Variants in PTPRD observed in about 807,000 individuals in gnomAD.
PTPRD encodes receptor-type tyrosine-protein phosphatase delta.
In PTPRD, 34 loss-of-function variants were observed where a neutral mutation model predicts 214.5. The observed-to-expected ratio is 0.16, with a 90% CI of 0.12 to 0.21. PTPRD has a LOEUF of 0.21. Among genes scored for constraint, PTPRD ranks in the 10% least tolerant of loss-of-function variants. The pLI is 1.00. For missense variants in PTPRD, 2,545 were observed against 2,398.7 expected, an observed-to-expected ratio of 1.06 and a Z score of -1.27; for synonymous variants, 1,128 against 845.7, an observed-to-expected ratio of 1.33 and a Z score of -5.79.
chr9:9,482,127 C>G (rs1270984461), intron 8 of PTPRD, among the ~76,000 whole-genome samples: 1 of 151,982 alleles, frequency 6.6e-6, no homozygotes, highest in Admixed American at 6.6e-5. Flanking sequence ...GAGGTACAGA[C>G]AGGTGGGCGA....
intron 5 of PTPRD, among the ~76,000 whole-genome samples, chr9:9,914,927 A>C (rs991339741): frequency 6.6e-6 from 1 of 152,164 alleles, no homozygotes; most frequent in African/African-American, 2.4e-5. Flanking sequence ...CTGCATGCCC[A>C]TGCTCCTAGC....
chr9:9,453,474 T>G (rs1461481968), intron 8 of PTPRD, among the ~76,000 whole-genome samples: 2 of 151,672 alleles, frequency 1.3e-5, no homozygotes, highest in South Asian at 2.1e-4. Context: ...CGGGGAAATA[T>G]TCATAGAATA....
intron 3 of PTPRD, among the ~76,000 whole-genome samples, chr9:10,245,652 G>A (rs2154365580): frequency 6.6e-6 from 1 of 152,290 alleles, no homozygotes; most frequent in Middle Eastern, 3.4e-3. Flanking sequence ...ATAAATTAAT[G>A]AGTGAATAAT....
At chr9:9,676,000 C>A (rs1286107289) in intron 7 of PTPRD, among the ~76,000 whole-genome samples, 1 of 151,960 alleles carries the variant, frequency 6.6e-6, no homozygotes, top group Non-Finnish European at 1.5e-5. Flanking sequence ...TGCAAGGGTT[C>A]TGTAGCACTA....
chr9:8,619,587 T>G (rs927137123), intron 14 of PTPRD, among the ~76,000 whole-genome samples: 1 of 152,078 alleles, frequency 6.6e-6, no homozygotes, highest in African/African-American at 2.4e-5. Flanking sequence ...TTAATGCCTT[T>G]TTAATGCATT....
At chr9:9,254,105 A>G (rs2099976668) in intron 9 of PTPRD, among the ~76,000 whole-genome samples, 1 of 152,102 alleles carries the variant, frequency 6.6e-6, no homozygotes, top group Non-Finnish European at 1.5e-5. Flanking sequence ...CTCTCAACAT[A>G]TTTGAATTAA....
At chr9:9,324,759 C>T (rs897285463) in intron 9 of PTPRD, among the ~76,000 whole-genome samples, 4 of 152,176 alleles carry the variant, frequency 2.6e-5, no homozygotes, top group African/African-American at 9.6e-5. Flanking sequence ...GTCATGAAGT[C>T]CTTGCCCATG....
chr9:9,786,278 T>A (rs1162125146), intron 5 of PTPRD, among the ~76,000 whole-genome samples: 1 of 152,136 alleles, frequency 6.6e-6, no homozygotes, highest in African/African-American at 2.4e-5. Context: ...CTATGCCTAC[T>A]CTAACCCATT....
At chr9:10,511,901 T>C (rs567478437) in intron 2 of PTPRD, among the ~76,000 whole-genome samples, 3 of 136,218 alleles carry the variant, frequency 2.2e-5, no homozygotes, top group South Asian at 4.5e-4. Context: ...CACATATATA[T>C]ACATATATAT....
At chr9:9,045,086 C>T (rs2099667936) in intron 10 of PTPRD, among the ~76,000 whole-genome samples, 1 of 152,152 alleles carries the variant, frequency 6.6e-6, no homozygotes, top group South Asian at 2.1e-4. Context: ...TCATTTCCAA[C>T]CAACTAACTA....
At chr9:8,966,669 G>C (rs1394422060) in intron 11 of PTPRD, among the ~76,000 whole-genome samples, 1 of 151,808 alleles carries the variant, frequency 6.6e-6, no homozygotes, top group South Asian at 2.1e-4. Flanking sequence ...AAAAAACCTA[G>C]GAAATACCCT....
rs72700339 is a variant in PTPRD, at chr9:8,677,991, G to A, written c.65-41147C>T. Among the ~76,000 whole-genome samples the A allele has an allele frequency of 2.7e-3, 405 of 152,276 alleles. 1 individual carries two copies. Among genetic ancestry groups the A allele is most frequent in the Admixed American group, 4.1e-3 (62 of 15,298 alleles). On this transcript the variant is annotated intron_variant, in intron 12 of 45. Transcript: ENST00000381196. ...CTTTGTGGGTGCAGGCCTGCAGGCT[G>A]CTTGTGTCTCTCTCTCCTGCTATCT...
intron 12 of PTPRD, among the ~76,000 whole-genome samples, chr9:8,695,908 T>C (rs1484674651): frequency 6.6e-6 from 1 of 152,216 alleles, no homozygotes; most frequent in Non-Finnish European, 1.5e-5. Context: ...CTCTCTATTC[T>C]CAGATTATCT....
chr9:9,126,171 G>C (rs544058643), intron 10 of PTPRD, among the ~76,000 whole-genome samples: 1 of 152,212 alleles, frequency 6.6e-6, no homozygotes, highest in Non-Finnish European at 1.5e-5. Flanking sequence ...TTTTAAGCAG[G>C]AGGGGGATAT....
chr9:9,704,805 C>G (rs763769184), intron 7 of PTPRD, among the ~76,000 whole-genome samples: 4 of 152,170 alleles, frequency 2.6e-5, no homozygotes, highest in Non-Finnish European at 5.9e-5. Flanking sequence ...AAGTGACAGA[C>G]ATAAGTGAAA....
chr9:10,251,080 G>T (rs1389884377), intron 3 of PTPRD, among the ~76,000 whole-genome samples: 2 of 152,018 alleles, frequency 1.3e-5, no homozygotes, highest in Non-Finnish European at 2.9e-5. Context: ...ATGAAGTTTA[G>T]TATTGTCCAT....
intron 2 of PTPRD, among the ~76,000 whole-genome samples, chr9:10,507,320 C>A (rs1337193163): frequency 6.6e-6 from 1 of 152,068 alleles, no homozygotes; most frequent in Non-Finnish European, 1.5e-5. Context: ...AATGGAAGAA[C>A]ATTCCATGCT....
intron 2 of PTPRD, among the ~76,000 whole-genome samples, chr9:10,503,207 A>AAAAAAAC (rs1566569990): frequency 2.1e-5 from 2 of 97,444 alleles, no homozygotes; most frequent in Admixed American, 8.4e-5. Flanking sequence ...AAAAAAAAAA[A>AAAAAAAC]CAAAAAAAAA....
At chr9:8,924,254 A>T in intron 11 of PTPRD, among the ~76,000 whole-genome samples, 1 of 152,122 alleles carries the variant, frequency 6.6e-6, no homozygotes, top group East Asian at 1.9e-4. Context: ...TTAATTCTTT[A>T]ATGCAAAAAT....
Sources: gnomAD v4.1 joint callset for allele counts (sites outside exome capture counted in the v4.1 genomes callset) on GRCh38, gnomAD v4.1.1 for gene constraint, MANE v1.5 for transcripts, NCBI Gene and HGNC (gene_info 2026-07-23, HGNC 2026-07-21) for gene names.